Variants in MARCHF11 observed in about 807,000 individuals in gnomAD.
The protein encoded by MARCHF11 is E3 ubiquitin-protein ligase MARCHF11.
In MARCHF11, 29 loss-of-function variants were observed where a neutral mutation model predicts 37.3. The observed-to-expected ratio is 0.78, with a 90% CI of 0.58 to 1.06. The LOEUF (loss-of-function observed/expected upper bound fraction) is 1.06, where lower values mean the gene tolerates loss of function less well. Ranked by LOEUF, MARCHF11 falls within the 50% of genes least tolerant of loss-of-function variation. The probability of loss-of-function intolerance (pLI) is 0.00; values close to 1 mark genes in which losing one functional copy is unlikely to be tolerated. For missense variants in MARCHF11, 482 were observed against 533.4 expected, an observed-to-expected ratio of 0.90 and a Z score of 0.95; for synonymous variants, 233 against 228.0, an observed-to-expected ratio of 1.02 and a Z score of -0.20.
intron 2 of MARCHF11, among the ~76,000 whole-genome samples, chr5:16,116,863 A>G (rs1737234559): frequency 6.6e-6 from 1 of 152,220 alleles, no homozygotes; most frequent in Admixed American, 6.5e-5. Flanking sequence ...CATCCCATGT[A>G]TGGTCAGAGA....
chr5:16,126,321 T>C (rs1431586536), intron 2 of MARCHF11, among the ~76,000 whole-genome samples: 1 of 152,174 alleles, frequency 6.6e-6, no homozygotes, highest in East Asian at 1.9e-4. Flanking sequence ...CCCAATTCCA[T>C]GAGGCAACAT....
intron 2 of MARCHF11, among the ~76,000 whole-genome samples, chr5:16,092,549 C>A (rs2126557985): frequency 6.6e-6 from 1 of 151,974 alleles, no homozygotes; most frequent in East Asian, 1.9e-4. Context: ...AACACATGGA[C>A]ACAGGGAGGG....
At chr5:16,165,267 T>G (rs888621155) in intron 2 of MARCHF11, among the ~76,000 whole-genome samples, 2 of 152,114 alleles carry the variant, frequency 1.3e-5, no homozygotes, top group African/African-American at 4.8e-5. Flanking sequence ...ACACTTCATT[T>G]TAGAGTAGTT....
At chr5:16,093,120 T>A (rs1736812409) in intron 2 of MARCHF11, among the ~76,000 whole-genome samples, 1 of 152,180 alleles carries the variant, frequency 6.6e-6, no homozygotes, top group Non-Finnish European at 1.5e-5. Context: ...AAACAAAGCA[T>A]CCTTTAAGTC....
chr5:16,158,245 CA>C (rs1220322272), intron 2 of MARCHF11, among the ~76,000 whole-genome samples: 1 of 151,850 alleles, frequency 6.6e-6, no homozygotes, highest in East Asian at 1.9e-4. Context: ...TTAGTACAGA[CA>C]TTATGGAAAG....
At chr5:16,075,660 T>C (rs893252863) in intron 3 of MARCHF11, among the ~76,000 whole-genome samples, 2 of 152,024 alleles carry the variant, frequency 1.3e-5, no homozygotes, top group African/African-American at 4.8e-5. Context: ...CTTGATCTAG[T>C]TGTGACTGCT....
chr5:16,067,959 C>T (rs1027549233), intron 3 of MARCHF11, among the ~76,000 whole-genome samples, 166 bp from the exon 4 acceptor site: 8 of 152,054 alleles, frequency 5.3e-5, no homozygotes, highest in African/African-American at 1.9e-4. Context: ...AAGTTACTAC[C>T]CATATGACAC....
At chr5:16,099,389 A>C (rs1736919682) in intron 2 of MARCHF11, among the ~76,000 whole-genome samples, 1 of 152,212 alleles carries the variant, frequency 6.6e-6, no homozygotes, top group Admixed American at 6.5e-5. Flanking sequence ...AACTGTTTAC[A>C]TATTATAATG....
chr5:16,076,390 GAT>G (rs1736518978), intron 3 of MARCHF11, among the ~76,000 whole-genome samples: 1 of 151,886 alleles, frequency 6.6e-6, no homozygotes. Flanking sequence ...TAAAACCATG[GAT>G]ATGTTTTTTC....
intron 2 of MARCHF11, among the ~76,000 whole-genome samples, chr5:16,135,408 T>A (rs1315186271): frequency 2.0e-5 from 3 of 151,974 alleles, no homozygotes; most frequent in African/African-American, 7.2e-5. Context: ...AATTGAAGAA[T>A]TAAAGAATTT....
At chr5:16,119,752 C>T (rs564491237) in intron 2 of MARCHF11, among the ~76,000 whole-genome samples, 77 of 152,248 alleles carry the variant, frequency 5.1e-4, no homozygotes, top group African/African-American at 1.8e-3. Context: ...CTGACAATAC[C>T]ATTTAAGAGC....
At chr5:16,068,918 C>T (rs1412378734) in intron 3 of MARCHF11, among the ~76,000 whole-genome samples, 2 of 152,164 alleles carry the variant, frequency 1.3e-5, no homozygotes, top group Non-Finnish European at 2.9e-5. Flanking sequence ...GCTGGCACAA[C>T]CATGTTTTAA....
rs1370698237 is a variant in MARCHF11 at position 16,067,605 on chromosome 5, G to C, written c.1075C>G (p.Pro359Ala). The C allele has an allele frequency of 1.2e-6, 2 of 1,613,792 alleles. No individual in the cohort carries two copies. Among genetic ancestry groups the C allele is most frequent in the Admixed American group, 1.7e-5 (1 of 59,994 alleles). ...AACCTTGGTGAGGTTAACTGAGTTG[G>C]GTGGACCAAGTTTCTGTTCCGCAGA... ...TALRNRNLVH[P>A]TQLTSPRFQC... Residue 359 changes from proline to alanine, a missense_variant, in exon 4 of 4, where the codon CCA (proline) becomes GCA (alanine). Transcript: ENST00000332432.
At chr5:16,102,823 G>C (rs956727622) in intron 2 of MARCHF11, among the ~76,000 whole-genome samples, 7 of 152,174 alleles carry the variant, frequency 4.6e-5, no homozygotes, top group Non-Finnish European at 7.3e-5. Context: ...GTTCCTGCCA[G>C]GACCCAAAGG....
intron 2 of MARCHF11, among the ~76,000 whole-genome samples, chr5:16,152,190 G>A (rs1226514261): frequency 6.6e-6 from 1 of 151,792 alleles, no homozygotes; most frequent in Non-Finnish European, 1.5e-5. Flanking sequence ...TATCTCTCAA[G>A]ACGAATATGT....
chr5:16,146,030 G>A (rs1330773522), intron 2 of MARCHF11, among the ~76,000 whole-genome samples: 2 of 152,138 alleles, frequency 1.3e-5, no homozygotes, highest in African/African-American at 4.8e-5. Flanking sequence ...GTACCATTCA[G>A]TGTCACTGAT....
At chr5:16,101,395 G>T (rs1013242589) in intron 2 of MARCHF11, among the ~76,000 whole-genome samples, 1 of 152,146 alleles carries the variant, frequency 6.6e-6, no homozygotes, top group African/African-American at 2.4e-5. Context: ...ATGCATTTTA[G>T]CTTTTCAGTT....
At chr5:16,111,226 A>C (rs1309404741) in intron 2 of MARCHF11, among the ~76,000 whole-genome samples, 4 of 152,224 alleles carry the variant, frequency 2.6e-5, no homozygotes, top group Non-Finnish European at 4.4e-5. Context: ...ACTGGGTAAC[A>C]GGCAGAGGTT....
At chr5:16,113,359 A>G (rs1365557738) in intron 2 of MARCHF11, among the ~76,000 whole-genome samples, 1 of 152,214 alleles carries the variant, frequency 6.6e-6, no homozygotes, top group Non-Finnish European at 1.5e-5. Flanking sequence ...AACAACCATA[A>G]TTAATATTGA....
Sources: gnomAD v4.1 joint callset for allele counts (sites outside exome capture counted in the v4.1 genomes callset) on GRCh38, gnomAD v4.1.1 for gene constraint, MANE v1.5 for transcripts, NCBI Gene and HGNC (gene_info 2026-07-23, HGNC 2026-07-21) for gene names.